The following TULP4 variants were observed in gnomAD, a reference collection of about 807,000 sequenced individuals.
TULP4 encodes the protein TUB like protein 4, also known as tubby-related protein 4.
Under a neutral mutation model 129.0 loss-of-function variants are expected in TULP4, and 16 were observed. That is an observed-to-expected ratio of 0.12 (90% confidence interval 0.08 to 0.19). TULP4 has a LOEUF of 0.19. TULP4 is among the 10% of genes least tolerant of loss of function. TULP4 has a pLI of 1.00. For missense variants in TULP4, 1,842 were observed against 2,059.1 expected (o/e 0.89, Z 2.04); for synonymous variants, 998 against 854.0 (o/e 1.17, Z -2.94).
At chr6:158,435,139 A>T (rs1056093815) in intron 3 of TULP4, among the ~76,000 whole-genome samples, 7 of 152,196 alleles carry the variant, frequency 4.6e-5, no homozygotes, top group Admixed American at 4.6e-4. Context: ...CCATTTTTTA[A>T]ATCATCTTAA....
rs953284115 is a variant in TULP4, at chr6:158,493,091, A to G, written c.1632-482A>G. Reference sequence around the variant, plus strand: ...TTGTGCAGGCCCCTGGCAGAAGGCCATTTCCACGCTTGCTCCAAGGCAACA... The same window carrying G: ...TTGTGCAGGCCCCTGGCAGAAGGCCGTTTCCACGCTTGCTCCAAGGCAACA... On this transcript the variant is annotated intron_variant, in intron 9 of 13. Coordinates refer to ENST00000367097, the MANE Select transcript of TULP4 (RefSeq NM_020245.5). The surrounding 1 kb of genome is among the most constrained non-coding windows in gnomAD (Gnocchi z 4.4). 1.3e-5 allele frequency among the ~76,000 whole-genome samples: 2 copies of G among 152,238 alleles called. No homozygotes were observed. The highest frequency in any genetic ancestry group is 6.5e-5 in the Admixed American group (1 of 15,284).
At chr6:158,374,388 A>T (rs926703293) in intron 1 of TULP4, among the ~76,000 whole-genome samples, 66 of 151,854 alleles carry the variant, frequency 4.3e-4, no homozygotes, top group African/African-American at 1.5e-3. Flanking sequence ...TCTGGGCTTT[A>T]TTGGTTTTCC....
chr6:158,477,430 C>T (rs1655254867), intron 6 of TULP4, among the ~76,000 whole-genome samples: 1 of 152,106 alleles, frequency 6.6e-6, no homozygotes, highest in African/African-American at 2.4e-5. Flanking sequence ...TTTTTCCAAA[C>T]AACCTCATTA....
At chr6:158,343,501 C>T (rs1023712381) in intron 1 of TULP4, among the ~76,000 whole-genome samples, 4 of 152,124 alleles carry the variant, frequency 2.6e-5, no homozygotes, top group African/African-American at 9.7e-5. Context: ...TGATTTGGGT[C>T]ATGAGGATGG....
At chr6:158,342,771 G>T (rs1197207543) in intron 1 of TULP4, among the ~76,000 whole-genome samples, 5 of 152,118 alleles carry the variant, frequency 3.3e-5, no homozygotes, top group African/African-American at 4.8e-5. Context: ...CTTCAACATG[G>T]CCCCTTAGCT....
At chr6:158,443,980 G>A (rs778874029) in intron 3 of TULP4, among the ~76,000 whole-genome samples, 45 of 152,122 alleles carry the variant, frequency 3.0e-4, no homozygotes, top group Middle Eastern at 6.8e-3. Flanking sequence ...AGCACTTTGG[G>A]GGGCCAGGGT....
At chr6:158,374,615 T>C (rs1777145915) in intron 1 of TULP4, among the ~76,000 whole-genome samples, 1 of 152,266 alleles carries the variant, frequency 6.6e-6, no homozygotes. Context: ...GTTTTACTTC[T>C]TAAAGTCTTA....
rs1780451981 is a variant in TULP4 at position 158,501,838 on chromosome 6, C to T, written c.2175C>T (p.Thr725=). 1 of 1,614,140 alleles carries T rather than the reference C, an allele frequency of 6.2e-7. No individual in the cohort carries two copies. Among genetic ancestry groups the T allele is most frequent in the Non-Finnish European group, 8.5e-7 (1 of 1,180,034 alleles). The change falls in exon 13 of 14, where the codon ACC becomes ACT. Residue 725 remains threonine (T), a synonymous_variant. Transcript: ENST00000367097. ...ANQNVQLDVL[T]NQTTAVGTAE... is the part of the protein sequence containing the mutation. ...AGAATGTGCAGCTAGATGTCCTGAC[C>T]AACCAGACGACAGCTGTAGGGACAG...
At chr6:158,333,116 A>G (rs1008918500) in intron 1 of TULP4, among the ~76,000 whole-genome samples, 4 of 152,178 alleles carry the variant, frequency 2.6e-5, no homozygotes, top group African/African-American at 4.8e-5. Flanking sequence ...CAGGTTTACT[A>G]CACCTGTACT....
At chr6:158,303,691 C>T (rs1026153069) in intron 1 of TULP4, among the ~76,000 whole-genome samples, 1 of 152,178 alleles carries the variant, frequency 6.6e-6, no homozygotes, top group Non-Finnish European at 1.5e-5. Context: ...TATCTACCTC[C>T]CCTTGAGCAC....
At chr6:158,237,371 G>A in intron 1 of TULP4, 2 of 1,612,384 alleles carry the variant, frequency 1.2e-6, no homozygotes, top group Non-Finnish European at 1.7e-6. Context: ...TTCTTTTTCT[G>A]TTGCTGTTTC....
At chr6:158,350,921 CTT>C (rs1780502535) in intron 1 of TULP4, among the ~76,000 whole-genome samples, 3 of 151,968 alleles carry the variant, frequency 2.0e-5, no homozygotes, top group Admixed American at 6.6e-5. Context: ...TGCTGGCTAA[CTT>C]TTGTATTTTT....
chr6:158,307,320 T>C (rs906887985), intron 1 of TULP4, among the ~76,000 whole-genome samples: 7 of 152,226 alleles, frequency 4.6e-5, no homozygotes, highest in African/African-American at 1.4e-4. Context: ...AGGATTTTAA[T>C]AGTCTTCAGA....
chr6:158,367,407 G>C (rs1776944830), intron 1 of TULP4, among the ~76,000 whole-genome samples: 2 of 152,134 alleles, frequency 1.3e-5, no homozygotes, highest in African/African-American at 2.4e-5. Context: ...TTGTTTGTTT[G>C]TGTTTTACGA....
chr6:158,470,849 C>A (rs1779664918), intron 6 of TULP4, among the ~76,000 whole-genome samples: 2 of 152,042 alleles, frequency 1.3e-5, no homozygotes, highest in South Asian at 4.2e-4. Flanking sequence ...GCTGTGACAG[C>A]CAAGATAAAG....
rs142784747 is a variant in TULP4 at position 158,478,520 on chromosome 6, C to A, written c.1027-1231C>A. On this transcript the variant is annotated intron_variant, in intron 6 of 13. Transcript: ENST00000367097. ...GGTCCCTTTGTGTGGGGCCTGCCCC[C>A]TGTGTGGAATCATCTCATATGGAGA... Among the ~76,000 whole-genome samples the A allele has an allele frequency of 2.6e-5, 4 of 152,306 alleles. No individual in the cohort carries two copies. The East Asian group carries it at 7.7e-4, about 29-fold the overall frequency.
At chr6:158,241,107 G>C (rs1308844470) in intron 1 of TULP4, among the ~76,000 whole-genome samples, 1 of 138,538 alleles carries the variant, frequency 7.2e-6, no homozygotes, top group Non-Finnish European at 1.6e-5. Flanking sequence ...ACGTCCCAGA[G>C]GGGGCGGCGG....
At chr6:158,240,752 C>A (rs572491335) in intron 1 of TULP4, among the ~76,000 whole-genome samples, 2 of 135,210 alleles carry the variant, frequency 1.5e-5, no homozygotes, top group African/African-American at 2.6e-5. Flanking sequence ...GGGGGCTGAC[C>A]CCCCCACCTC....
At chr6:158,240,702 C>T (rs1393734739) in intron 1 of TULP4, among the ~76,000 whole-genome samples, 2 of 79,844 alleles carry the variant, frequency 2.5e-5, no homozygotes, top group African/African-American at 3.3e-5. Context: ...GGGGGCTGAC[C>T]CCCCCCACCT....
Sources: allele counts gnomAD v4.1 joint callset (sites outside exome capture counted in the v4.1 genomes callset), GRCh38; gene constraint gnomAD v4.1.1; non-coding constraint Gnocchi (gnomAD v3.1); transcripts MANE v1.5; gene names NCBI Gene and HGNC (gene_info 2026-07-23, HGNC 2026-07-21).